The following TAFA2 variants were observed in gnomAD, a reference collection of about 807,000 sequenced individuals.
TAFA2 encodes the protein TAFA chemokine like family member 2.
A neutral mutation model predicts 18.8 loss-of-function variants in TAFA2; 7 were observed. The observed-to-expected ratio is 0.37, with a 90% CI of 0.21 to 0.70. The LOEUF (loss-of-function observed/expected upper bound fraction) is 0.70. Among genes scored for constraint, TAFA2 ranks in the 30% least tolerant of loss-of-function variants. The pLI is 0.53. For synonymous variants in TAFA2, 60 were observed against 54.2 expected, an observed-to-expected ratio of 1.11 and a Z score of -0.47; for missense variants, 122 against 158.1, an observed-to-expected ratio of 0.77 and a Z score of 1.23.
intron 2 of TAFA2, among the ~76,000 whole-genome samples, chr12:61,830,275 C>G (rs2121089012): frequency 6.7e-6 from 1 of 150,136 alleles, no homozygotes; most frequent in African/African-American, 2.4e-5. Context: ...CTGATCAACA[C>G]AGGTTTATTC....
chr12:61,928,197 A>G (rs851899), intron 1 of TAFA2, among the ~76,000 whole-genome samples: 7,384 of 152,324 alleles, frequency 0.048, 358 homozygotes, highest in African/African-American at 0.13. Flanking sequence ...GCACAGCAAA[A>G]GAAAATATCA....
intron 1 of TAFA2, among the ~76,000 whole-genome samples, chr12:61,943,602 G>A (rs949063569): frequency 4.6e-5 from 7 of 151,570 alleles, no homozygotes; most frequent in Middle Eastern, 3.4e-3. Context: ...TAAAAGGATG[G>A]AGGAAGATCT....
intron 1 of TAFA2, chr12:62,021,735 A>C: frequency 6.7e-7 from 1 of 1,488,052 alleles, no homozygotes; most frequent in East Asian, 2.3e-5. Context: ...AGGCAGCATG[A>C]TCTTCACCTT....
chr12:62,226,683 T>C (rs1203171180), intron 1 of TAFA2, among the ~76,000 whole-genome samples: 1 of 152,148 alleles, frequency 6.6e-6, no homozygotes, highest in Non-Finnish European at 1.5e-5. Flanking sequence ...CCAAACACAT[T>C]CTTCCTCTCA....
intron 2 of TAFA2, among the ~76,000 whole-genome samples, chr12:61,756,329 AAC>A (rs1869266386): frequency 6.6e-6 from 1 of 152,110 alleles, no homozygotes; most frequent in African/African-American, 2.4e-5. Flanking sequence ...GTTTGATTCA[AAC>A]ACAAATCTAT....
chr12:62,192,236 T>G lies in TAFA2; in HGVS notation c.-979A>C, dbSNP rs1403607451. On this transcript the variant is annotated 5_prime_UTR_variant, in exon 1 of 5. Coordinates refer to ENST00000416284, the MANE Select transcript of TAFA2 (RefSeq NM_178539.5). ...GCAGAGCCCCACGCAGCCCACCCGC[T>G]GCCCTTCTAGGCATCGTGGGCTGGA... The G allele has an allele frequency of 6.6e-6, 1 of 152,108 alleles. No homozygotes were observed. The highest frequency in any genetic ancestry group is 2.4e-5 in the African/African-American group (1 of 41,356). The allele number at this position is 152,108 out of a possible 1,614,324, so 9.4% of individuals were successfully genotyped here.
intron 1 of TAFA2, among the ~76,000 whole-genome samples, chr12:62,088,614 T>TAAAAA (rs139428735): frequency 9.6e-6 from 1 of 104,474 alleles, no homozygotes; most frequent in Non-Finnish European, 2.0e-5. Context: ...TGGACCACAT[T>TAAAAA]AAAAAAAAAA....
chr12:62,175,810 T>C (rs1405428705), intron 1 of TAFA2, among the ~76,000 whole-genome samples: 2 of 151,982 alleles, frequency 1.3e-5, no homozygotes, highest in African/African-American at 4.8e-5. Context: ...TATTCCATTA[T>C]ATAAGCAACA....
intron 1 of TAFA2, chr12:61,878,082 G>C: frequency 2.2e-6 from 1 of 455,528 alleles, no homozygotes; most frequent in South Asian, 1.6e-5. Context: ...ACTTACATGA[G>C]AGATACCTAG....
intron 1 of TAFA2, among the ~76,000 whole-genome samples, chr12:62,213,477 T>C (rs1369921458): frequency 6.6e-6 from 1 of 152,074 alleles, no homozygotes; most frequent in Non-Finnish European, 1.5e-5. Context: ...ACCCCGTCTG[T>C]ACTAAAAATA....
At position 62,209,366 on chromosome 12, in the gene TAFA2, C is replaced by T. The variant is rs145174264; in HGVS notation, c.-130+49397G>A. Among the ~76,000 whole-genome samples, 447 of 152,312 alleles carry T rather than the reference C, an allele frequency of 2.9e-3. 1 individual carries two copies. Among genetic ancestry groups the T allele is most frequent in the African/African-American group, 1.0e-2 (414 of 41,568 alleles). ...TTCCTGCTGCCTTGTGAAAAGAGTGCCTTGCTTCCCCTTCACCTTCTGCCA... is the reference window on the plus strand; with the variant it reads ...TTCCTGCTGCCTTGTGAAAAGAGTGTCTTGCTTCCCCTTCACCTTCTGCCA... On this transcript the variant is annotated intron_variant, in intron 1 of 5. Transcript: ENST00000551619.
chr12:61,925,171 G>T (rs1054571691), intron 1 of TAFA2, among the ~76,000 whole-genome samples: 3 of 152,170 alleles, frequency 2.0e-5, no homozygotes, highest in Non-Finnish European at 2.9e-5. Context: ...ATATTAGACA[G>T]ATCAACAAGA....
At chr12:61,929,122 C>T (rs778648944) in intron 1 of TAFA2, among the ~76,000 whole-genome samples, 4 of 149,586 alleles carry the variant, frequency 2.7e-5, no homozygotes, top group Admixed American at 1.3e-4. Context: ...CAAACCTGCA[C>T]GTTCTGCACA....
At chr12:61,898,714 G>A (rs1319100457) in intron 1 of TAFA2, among the ~76,000 whole-genome samples, 1 of 152,176 alleles carries the variant, frequency 6.6e-6, no homozygotes, top group Non-Finnish European at 1.5e-5. Flanking sequence ...AGTGATGGGA[G>A]GGCCTGCAGG....
Position 62,107,049 on chromosome 12 carries a change from T to C in TAFA2, c.-2+84210A>G, listed in dbSNP as rs1015933619. Among the ~76,000 whole-genome samples, 4 of 152,220 alleles carry C rather than the reference T, an allele frequency of 2.6e-5. No homozygotes were observed. In the East Asian group the frequency reaches 7.7e-4, roughly 29 times the overall value. ...TAATGTTCCTCACGCAGAGTTTTGA[T>C]TTCATTTTCTTATATTGTTAAGATT... On this transcript the variant is annotated intron_variant, in intron 1 of 4. Transcript: ENST00000416284.
chr12:61,959,408 A>T (rs548643822), intron 1 of TAFA2, among the ~76,000 whole-genome samples: 90 of 152,114 alleles, frequency 5.9e-4, no homozygotes, highest in African/African-American at 2.1e-3. Flanking sequence ...AGTTCTAAGA[A>T]TTTTAGTTTT....
upstream of TAFA2, chr12:62,259,182 G>C (rs1170918238): frequency 6.6e-6 from 1 of 152,196 alleles, no homozygotes; most frequent in African/African-American, 2.4e-5. Context: ...GGGGATTCCG[G>C]CCCATCTTTT....
chr12:62,235,362 T>C, intron 1 of TAFA2: 1 of 652,010 alleles, frequency 1.5e-6, no homozygotes, highest in Non-Finnish European at 2.8e-6. Context: ...TAGGCCATGG[T>C]TCCAAGAGGT....
chr12:61,711,164 A>G (rs577672450), intron 4 of TAFA2, among the ~76,000 whole-genome samples: 1 of 152,174 alleles, frequency 6.6e-6, no homozygotes, highest in South Asian at 2.1e-4. Context: ...AAAAAGAATA[A>G]TAAACAGATA....
Sources: gnomAD v4.1 joint callset for allele counts (sites outside exome capture counted in the v4.1 genomes callset) on GRCh38, gnomAD v4.1.1 for gene constraint, MANE v1.5 for transcripts, NCBI Gene and HGNC (gene_info 2026-07-23, HGNC 2026-07-21) for gene names.